Variants in ARHGAP20 observed in about 807,000 individuals in gnomAD.
ARHGAP20 encodes rho GTPase-activating protein 20.
A neutral mutation model predicts 73.7 loss-of-function variants in ARHGAP20; 34 were observed. The observed-to-expected ratio is 0.46, with a 90% CI of 0.35 to 0.61. The LOEUF (loss-of-function observed/expected upper bound fraction) is 0.61, where lower values mean the gene tolerates loss of function less well. ARHGAP20 is among the 20% of genes least tolerant of loss of function. The pLI is 0.00. For missense variants in ARHGAP20, 1,314 were observed against 1,420.9 expected (o/e 0.92, Z 1.21); for synonymous variants, 523 against 518.2 (o/e 1.01, Z -0.13).
At position 110,580,182 on chromosome 11, in the gene ARHGAP20, CCTT is replaced by C. The variant is rs1947410885; in HGVS notation, c.2761_2763del (p.Lys921del). ...CAAAGGTTTAATCTTGGGGGTAAAA[CCTT>C]CTCAGTGTTTTGGTTTGTGGCACTA... On this transcript the variant is annotated inframe_deletion, in exon 15 of 15. Transcript: ENST00000683387. The C allele has an allele frequency of 6.2e-7, 1 of 1,614,124 alleles. No individual in the cohort carries two copies. The highest frequency in any genetic ancestry group is 1.3e-5 in the African/African-American group (1 of 75,006).
chr11:110,608,948 C>T (rs1948299740), intron 8 of ARHGAP20, 36 bp downstream of exon 8: 1 of 1,557,566 alleles, frequency 6.4e-7, no homozygotes, highest in South Asian at 1.1e-5. Context: ...AATTAAAACA[C>T]AATCAATGCT....
chr11:110,650,802 A>G (rs1195850343), intron 2 of ARHGAP20, among the ~76,000 whole-genome samples: 1 of 152,148 alleles, frequency 6.6e-6, no homozygotes, highest in Admixed American at 6.6e-5. Flanking sequence ...TCTCTTGCCC[A>G]TGCTAACAGA....
chr11:110,697,447 T>C (rs1193015240), intron 1 of ARHGAP20, among the ~76,000 whole-genome samples: 1 of 151,872 alleles, frequency 6.6e-6, no homozygotes, highest in East Asian at 1.9e-4. Flanking sequence ...TGTCGAGTTC[T>C]TTCAGTTCCT....
In ARHGAP20 at chr11:110,660,069, A is replaced by AAAAAAAAAAAAC. The variant is rs1555097624; in HGVS notation, c.189-29278_189-29277insGTTTTTTTTTTT. 1.4e-3 allele frequency among the ~76,000 whole-genome samples: 200 copies of AAAAAAAAAAAAC among 146,952 alleles called. 3 individuals carry two copies. The highest frequency in any genetic ancestry group is 5.1e-3 in the African/African-American group (192 of 37,886). The stretch of plus-strand genomic sequence containing the variant: ...TAAAGTATAATAAAAAACAAAAAAA[A>AAAAAAAAAAAAC]AAAAAAAAAGAAAATACCCTAGGTC... On this transcript the variant is annotated intron_variant, in intron 2 of 14. Coordinates refer to ENST00000683387, the MANE Select transcript of ARHGAP20 (RefSeq NM_001384657.1).
upstream of ARHGAP20, chr11:110,712,561 C>G (rs1342321510): frequency 6.5e-6 from 1 of 152,914 alleles, no homozygotes; most frequent in African/African-American, 2.4e-5. Flanking sequence ...CTGGGCCCTC[C>G]TAGCCTCGTC....
chr11:110,661,618 T>C (rs375556716), intron 2 of ARHGAP20, among the ~76,000 whole-genome samples: 1 of 152,132 alleles, frequency 6.6e-6, no homozygotes, highest in Admixed American at 6.5e-5. Flanking sequence ...TTTTATATCA[T>C]GAATTTCCTG....
intron 3 of ARHGAP20, among the ~76,000 whole-genome samples, chr11:110,629,701 C>A (rs973342897): frequency 3.9e-5 from 6 of 152,184 alleles, no homozygotes; most frequent in African/African-American, 1.4e-4. Flanking sequence ...TTAGTTGGAG[C>A]CTTTTACTCA....
rs1449407332 is a variant in ARHGAP20 at position 110,583,548 on chromosome 11, CT to C, written c.1604del (p.Lys535ArgfsTer9). ...GCATAAAAATGAAAAACTTCATTAC[CT>C]TTTTTGTAAATTCGTTTTCTAGTTC... ...SPELENEFTK[K>X]VSLLIQFLIE... On this transcript the variant is annotated frameshift_variant and splice_region_variant, in exon 13 of 15. Coordinates refer to ENST00000683387, the MANE Select transcript of ARHGAP20 (RefSeq NM_001384657.1). LOFTEE classifies it high-confidence loss of function. 6.3e-7 allele frequency: 1 copy of C among 1,589,624 alleles called. No individual in the cohort carries two copies. Among genetic ancestry groups the C allele is most frequent in the Non-Finnish European group, 8.6e-7 (1 of 1,165,194 alleles).
chr11:110,675,833 G>A (rs755907778), intron 2 of ARHGAP20, among the ~76,000 whole-genome samples: 7 of 152,184 alleles, frequency 4.6e-5, no homozygotes, highest in Non-Finnish European at 7.4e-5. Context: ...CCCTAAGGCA[G>A]CTGCTTTGTT....
chr11:110,682,752 T>C (rs1950061036), intron 2 of ARHGAP20, among the ~76,000 whole-genome samples: 1 of 152,152 alleles, frequency 6.6e-6, no homozygotes, highest in Admixed American at 6.5e-5. Context: ...AGAAGGGAAA[T>C]AATAATAACT....
rs748811772 is a variant in ARHGAP20, at chr11:110,582,333, C to T, written c.1708G>A (p.Glu570Lys). 6.2e-7 allele frequency: 1 copy of T among 1,608,766 alleles called. No individual in the cohort carries two copies. Among genetic ancestry groups the T allele is most frequent in the Non-Finnish European group, 8.5e-7 (1 of 1,175,138 alleles). ...TTATTCACAATACCTGAGGCATTCT[C>T]TCTAGTGTCACATCTCACTGAAACC... ...REVSVRCDTR[E>K]NASDISCFQL... The change falls in exon 14 of 15, where the codon GAG (glutamate) becomes AAG (lysine). Residue 570 changes from glutamate to lysine, a missense_variant. Glu to Lys is a moderately conservative substitution (Grantham distance 56, BLOSUM62 1). Coordinates refer to ENST00000683387, the MANE Select transcript of ARHGAP20 (RefSeq NM_001384657.1).
At chr11:110,656,189 C>T (rs764665562) in intron 2 of ARHGAP20, among the ~76,000 whole-genome samples, 25 of 152,060 alleles carry the variant, frequency 1.6e-4, no homozygotes, top group Admixed American at 4.6e-4. Flanking sequence ...AGCTACTGCT[C>T]CTCCTCAAGC....
intron 4 of ARHGAP20, 37 bp downstream of exon 4, chr11:110,624,125 T>C: frequency 1.9e-6 from 3 of 1,591,858 alleles, no homozygotes; most frequent in Non-Finnish European, 1.7e-6. Context: ...TCATAGTAGC[T>C]AACCCAGGTA....
chr11:110,635,574 A>G (rs1189053762), intron 2 of ARHGAP20, among the ~76,000 whole-genome samples: 1 of 152,120 alleles, frequency 6.6e-6, no homozygotes, highest in Non-Finnish European at 1.5e-5. Flanking sequence ...GTGATTTCTC[A>G]GCTATAGCTA....
At chr11:110,589,625 AT>A (rs1947770033) in intron 11 of ARHGAP20, 2 of 985,020 alleles carry the variant, frequency 2.0e-6, no homozygotes, top group African/African-American at 3.5e-5. Context: ...CTTAAAGCTC[AT>A]TTTGACTGTA....
At chr11:110,615,911 C>A (rs1364994584) in intron 4 of ARHGAP20, among the ~76,000 whole-genome samples, 1 of 152,080 alleles carries the variant, frequency 6.6e-6, no homozygotes, top group Non-Finnish European at 1.5e-5. Context: ...GGAAAGAGTA[C>A]TTGATTTGGA....
At chr11:110,689,553 C>A (rs967988347) in intron 2 of ARHGAP20, among the ~76,000 whole-genome samples, 2 of 152,024 alleles carry the variant, frequency 1.3e-5, no homozygotes, top group African/African-American at 4.8e-5. Context: ...AATGACTATT[C>A]AATTTCAACA....
At chr11:110,652,559 T>C (rs976080651) in intron 2 of ARHGAP20, among the ~76,000 whole-genome samples, 2 of 152,010 alleles carry the variant, frequency 1.3e-5, no homozygotes, top group South Asian at 4.1e-4. Flanking sequence ...AAAATAAATA[T>C]GCAAAAATCA....
At chr11:110,668,399 C>T (rs1212738024) in intron 2 of ARHGAP20, among the ~76,000 whole-genome samples, 1 of 152,164 alleles carries the variant, frequency 6.6e-6, no homozygotes, top group Non-Finnish European at 1.5e-5. Flanking sequence ...CCTGTAATCC[C>T]AGCACTTTGG....
Sources: allele counts gnomAD v4.1 joint callset (sites outside exome capture counted in the v4.1 genomes callset), GRCh38; gene constraint gnomAD v4.1.1; transcripts MANE v1.5; gene names NCBI Gene and HGNC (gene_info 2026-07-23, HGNC 2026-07-21).